The following KHDRBS2 variants were observed in gnomAD, a reference collection of about 807,000 sequenced individuals.
KHDRBS2 encodes KH domain-containing, RNA-binding, signal transduction-associated protein 2.
KHDRBS2 carries 26 observed loss-of-function variants against 44.3 expected under a neutral mutation model. The ratio of observed to expected loss-of-function variants is 0.59; its 90% confidence interval spans 0.43 to 0.81. KHDRBS2 has a LOEUF of 0.81. Ranked by LOEUF, KHDRBS2 falls within the 40% of genes least tolerant of loss-of-function variation. The pLI is 0.00. For synonymous variants in KHDRBS2, 194 were observed against 151.1 expected (o/e 1.28, Z -2.08); for missense variants, 476 against 433.1 (o/e 1.10, Z -0.88).
Position 62,109,218 on chromosome 6 carries a change from T to C in KHDRBS2, c.220-61224A>G, listed in dbSNP as rs188157943. ...GCAATGTAACTCACCATATTAACAA[T>C]CTAAACAAGAGAAACCATATGAACA... On this transcript the variant is annotated intron_variant, in intron 2 of 8. Transcript: ENST00000281156. Among the ~76,000 whole-genome samples the C allele has an allele frequency of 2.5e-3, 377 of 152,050 alleles. 5 individuals carry two copies. The highest frequency in any genetic ancestry group is 2.4e-3 in the Non-Finnish European group (162 of 67,962).
intron 2 of KHDRBS2, among the ~76,000 whole-genome samples, chr6:62,121,695 T>A (rs1393191870): frequency 6.6e-6 from 1 of 152,190 alleles, no homozygotes; most frequent in East Asian, 1.9e-4. Context: ...TTTGCAGAGA[T>A]CTTGATCACT....
chr6:61,728,119 G>A (rs1439108071), intron 7 of KHDRBS2, among the ~76,000 whole-genome samples: 1 of 150,976 alleles, frequency 6.6e-6, no homozygotes, highest in African/African-American at 2.5e-5. Context: ...AAAAAGGAAT[G>A]AGATTCTGTT....
intron 6 of KHDRBS2, among the ~76,000 whole-genome samples, chr6:61,744,996 T>C (rs1206975540): frequency 3.3e-5 from 5 of 152,196 alleles, no homozygotes; most frequent in Non-Finnish European, 5.9e-5. Context: ...GTTTCAAAGC[T>C]CATCTAACTA....
intron 6 of KHDRBS2, among the ~76,000 whole-genome samples, chr6:61,749,865 C>A (rs1299136334): frequency 6.6e-6 from 1 of 152,080 alleles, no homozygotes; most frequent in Non-Finnish European, 1.5e-5. Context: ...GGGAAAAAAT[C>A]AGATCCATAT....
chr6:61,584,693 T>G, the KHDRBS2 span, among the ~76,000 whole-genome samples: 4 of 151,988 alleles, frequency 2.6e-5, no homozygotes, highest in Admixed American at 2.0e-4. Flanking sequence ...ATGGTAGCAA[T>G]GTGAGTGCAT....
intron 2 of KHDRBS2, among the ~76,000 whole-genome samples, chr6:62,160,739 G>C (rs1301882235): frequency 1.3e-5 from 2 of 152,082 alleles, no homozygotes; most frequent in Admixed American, 1.3e-4. Context: ...GCCAGCATAA[G>C]AGCCCAGTTG....
At chr6:62,080,273 A>G (rs1797142409) in intron 2 of KHDRBS2, among the ~76,000 whole-genome samples, 2 of 152,122 alleles carry the variant, frequency 1.3e-5, no homozygotes, top group South Asian at 4.1e-4. Flanking sequence ...TATTTTACTT[A>G]GTTCTTAAGA....
At chr6:61,550,930 G>C in the KHDRBS2 span, among the ~76,000 whole-genome samples, 1 of 151,472 alleles carries the variant, frequency 6.6e-6, no homozygotes, top group Non-Finnish European at 1.5e-5. Flanking sequence ...ATGCCACCAC[G>C]CCTGGCCAAT....
chr6:61,899,236 G>A (rs1329765755), intron 5 of KHDRBS2, among the ~76,000 whole-genome samples: 1 of 151,712 alleles, frequency 6.6e-6, no homozygotes, highest in Non-Finnish European at 1.5e-5. Context: ...ACTTTATATT[G>A]TATCAGAGAT....
chr6:61,905,700 T>C (rs1287234631), intron 4 of KHDRBS2, among the ~76,000 whole-genome samples: 1 of 152,120 alleles, frequency 6.6e-6, no homozygotes, highest in Non-Finnish European at 1.5e-5. Flanking sequence ...AATAGTTGAT[T>C]TATCATTTGC....
intron 1 of KHDRBS2, among the ~76,000 whole-genome samples, chr6:62,201,540 A>G (rs1251522671): frequency 6.6e-6 from 1 of 152,134 alleles, no homozygotes; most frequent in Non-Finnish European, 1.5e-5. Context: ...CAAATTTCAC[A>G]AATGAAATCT....
chr6:62,285,273 C>T (rs1407658427), intron 1 of KHDRBS2, among the ~76,000 whole-genome samples: 1 of 152,120 alleles, frequency 6.6e-6, no homozygotes, highest in Non-Finnish European at 1.5e-5. Flanking sequence ...ACCAATATCT[C>T]ACAGAGTACC....
chr6:62,227,051 C>T (rs927213656), intron 1 of KHDRBS2, among the ~76,000 whole-genome samples: 2 of 152,048 alleles, frequency 1.3e-5, no homozygotes, highest in Non-Finnish European at 2.9e-5. Context: ...TTTTCTAATT[C>T]TGTGAAAAAT....
chr6:61,901,469 T>C, intron 4 of KHDRBS2, 98 bp from the exon 5 acceptor site: 2 of 957,044 alleles, frequency 2.1e-6, no homozygotes, highest in Non-Finnish European at 1.5e-6. Flanking sequence ...CAATAGGAAA[T>C]AATTTTTTTC....
At chr6:61,623,731 C>T in the KHDRBS2 span, among the ~76,000 whole-genome samples, 2 of 152,138 alleles carry the variant, frequency 1.3e-5, no homozygotes, top group Non-Finnish European at 2.9e-5. Flanking sequence ...GCCTGTGCTC[C>T]AGCTTGCACA....
intron 3 of KHDRBS2, among the ~76,000 whole-genome samples, chr6:62,004,832 A>G (rs1425080549): frequency 3.3e-5 from 5 of 152,186 alleles, no homozygotes; most frequent in African/African-American, 9.7e-5. Flanking sequence ...AGTTGGCTTC[A>G]TCCCTGGGAT....
At chr6:61,850,866 C>A (rs1795307480) in intron 6 of KHDRBS2, among the ~76,000 whole-genome samples, 1 of 152,062 alleles carries the variant, frequency 6.6e-6, no homozygotes, top group Admixed American at 6.6e-5. Flanking sequence ...ATCATTCTCC[C>A]AAATAATTGC....
chr6:61,835,967 A>G (rs1404836119), intron 6 of KHDRBS2, among the ~76,000 whole-genome samples: 1 of 151,920 alleles, frequency 6.6e-6, no homozygotes, highest in Non-Finnish European at 1.5e-5. Flanking sequence ...TTCCCGGGAT[A>G]ACAAACATTG....
chr6:62,230,894 A>C (rs1832791615), intron 1 of KHDRBS2, among the ~76,000 whole-genome samples: 1 of 152,226 alleles, frequency 6.6e-6, no homozygotes, highest in South Asian at 2.1e-4. Flanking sequence ...TAAGAATTGT[A>C]TCAAAACAAA....
Sources: allele counts gnomAD v4.1 joint callset (sites outside exome capture counted in the v4.1 genomes callset), GRCh38; gene constraint gnomAD v4.1.1; transcripts MANE v1.5; gene names NCBI Gene and HGNC (gene_info 2026-07-23, HGNC 2026-07-21).